The following APOLD1 variants were observed in gnomAD, a reference collection of about 807,000 sequenced individuals.
APOLD1 encodes the protein apolipoprotein L domain containing 1, also known as apolipoprotein L domain-containing protein 1.
A neutral mutation model predicts 15.3 loss-of-function variants in APOLD1; 22 were observed. That is an observed-to-expected ratio of 1.44 (90% confidence interval 1.03 to 2.05). The LOEUF (loss-of-function observed/expected upper bound fraction) is 2.05, where lower values mean the gene tolerates loss of function less well. Ranked by LOEUF, APOLD1 falls within the 30% of genes most tolerant of loss-of-function variation. APOLD1 has a pLI of 0.00. For synonymous variants in APOLD1, 190 were observed against 167.4 expected, an observed-to-expected ratio of 1.13 and a Z score of -1.04; for missense variants, 394 against 353.5, an observed-to-expected ratio of 1.11 and a Z score of -0.92.
At chr12:12,727,887 A>C (rs1592285867) in intron 1 of APOLD1, among the ~76,000 whole-genome samples, 1 of 151,764 alleles carries the variant, frequency 6.6e-6, no homozygotes, top group East Asian at 1.9e-4. Flanking sequence ...GGCATGAGCC[A>C]CCATACCTAG....
intron 1 of APOLD1, among the ~76,000 whole-genome samples, chr12:12,754,908 A>G (rs957294692): frequency 5.3e-5 from 8 of 150,592 alleles, no homozygotes; most frequent in African/African-American, 1.7e-4. Context: ...TTAGCCAAGC[A>G]TGGTGGCACA....
chr12:12,766,247 TG>T (rs1437141678), intron 1 of APOLD1, among the ~76,000 whole-genome samples: 9 of 152,136 alleles, frequency 5.9e-5, no homozygotes, highest in African/African-American at 2.2e-4. Context: ...TCCAAAATCT[TG>T]AAAGAATTTG....
At chr12:12,750,372 CAA>C (rs34629361) in intron 1 of APOLD1, among the ~76,000 whole-genome samples, 171 of 75,388 alleles carry the variant, frequency 2.3e-3, no homozygotes, top group African/African-American at 7.3e-3. Flanking sequence ...GACTCTGTCT[CAA>C]AAAAAAAAAA....
At chr12:12,746,632 A>G (rs1946768995) in intron 1 of APOLD1, among the ~76,000 whole-genome samples, 1 of 152,198 alleles carries the variant, frequency 6.6e-6, no homozygotes, top group South Asian at 2.1e-4. Context: ...ATGGGAAAAC[A>G]TGCTCTAATT....
rs771836224 is a variant in APOLD1 at position 12,789,827 on chromosome 12, C to T, written c.*2175C>T. On this transcript the variant is annotated 3_prime_UTR_variant, in exon 2 of 2. Coordinates refer to ENST00000356591, the MANE Select transcript of APOLD1 (RefSeq NM_030817.3). ...GTCCGCACCCTTCCCAGTGATGGGG[C>T]AGTATGTCTGAGGAAGTATAATTTC... is the stretch of plus-strand genomic sequence containing the variant. 4 of 152,146 alleles carry T rather than the reference C, an allele frequency of 2.6e-5. No individual in the cohort carries two copies. Among genetic ancestry groups the T allele is most frequent in the East Asian group, 1.9e-4 (1 of 5,204 alleles). The allele number at this position is 152,146 out of a possible 1,614,324, so 9.4% of individuals were successfully genotyped here.
At chr12:12,753,391 T>A (rs908225314) in intron 1 of APOLD1, among the ~76,000 whole-genome samples, 2 of 152,122 alleles carry the variant, frequency 1.3e-5, no homozygotes, top group Admixed American at 1.3e-4. Context: ...GGGGGTTGGG[T>A]GTGATGGCTC....
intron 1 of APOLD1, among the ~76,000 whole-genome samples, chr12:12,770,291 G>T (rs1946977021): frequency 6.6e-6 from 1 of 152,120 alleles, no homozygotes; most frequent in Admixed American, 6.5e-5. Flanking sequence ...TGTAACCCCA[G>T]CTACTCAGGA....
At chr12:12,776,758 T>C (rs1259440467) in intron 1 of APOLD1, among the ~76,000 whole-genome samples, 2 of 152,184 alleles carry the variant, frequency 1.3e-5, no homozygotes, top group Non-Finnish European at 2.9e-5. Flanking sequence ...GCAATGAAGG[T>C]TGAGTCTCCC....
intron 1 of APOLD1, among the ~76,000 whole-genome samples, chr12:12,766,338 A>G (rs1946942496): frequency 6.6e-6 from 1 of 152,130 alleles, no homozygotes; most frequent in Non-Finnish European, 1.5e-5. Context: ...TATAGTACCA[A>G]GATACTGGAA....
At chr12:12,778,477 G>A (rs568709721) in intron 1 of APOLD1, among the ~76,000 whole-genome samples, 4 of 146,488 alleles carry the variant, frequency 2.7e-5, no homozygotes, top group East Asian at 2.1e-4. Flanking sequence ...ACACCTCCTC[G>A]TGTGGCTAAT....
chr12:12,741,245 C>T (rs993342866), intron 1 of APOLD1, among the ~76,000 whole-genome samples: 5 of 152,170 alleles, frequency 3.3e-5, no homozygotes, highest in Admixed American at 6.5e-5. Flanking sequence ...CTTGCTCTGT[C>T]GCCCTGGCTG....
chr12:12,728,690 A>AAAAAAAAAAG (rs779176543), intron 1 of APOLD1, among the ~76,000 whole-genome samples: 21 of 139,404 alleles, frequency 1.5e-4, no homozygotes, highest in Admixed American at 4.4e-4. Context: ...AAAAAAAAAA[A>AAAAAAAAAAG]AGAGAGAGAA....
chr12:12,758,772 C>T (rs933054407), intron 1 of APOLD1, among the ~76,000 whole-genome samples: 2 of 152,112 alleles, frequency 1.3e-5, no homozygotes, highest in African/African-American at 4.8e-5. Context: ...ACAGTGTCAC[C>T]GATAGAGTCA....
At chr12:12,762,043 A>G (rs1027770820) in intron 1 of APOLD1, among the ~76,000 whole-genome samples, 2 of 151,960 alleles carry the variant, frequency 1.3e-5, no homozygotes, top group Non-Finnish European at 2.9e-5. Context: ...GGATCTTGCT[A>G]TGTTGCCCAG....
intron 1 of APOLD1, among the ~76,000 whole-genome samples, chr12:12,767,905 C>T (rs1372428545): frequency 6.6e-6 from 1 of 151,938 alleles, no homozygotes. Flanking sequence ...TCTGCCTCAG[C>T]CTCCCGAGTA....
At chr12:12,740,055 C>G (rs1000451813) in intron 1 of APOLD1, among the ~76,000 whole-genome samples, 2 of 150,296 alleles carry the variant, frequency 1.3e-5, no homozygotes, top group Non-Finnish European at 3.0e-5. Context: ...GATCTCAGGT[C>G]ACTGCAACCT....
At chr12:12,763,066 A>C (rs1946913708) in intron 1 of APOLD1, among the ~76,000 whole-genome samples, 1 of 152,088 alleles carries the variant, frequency 6.6e-6, no homozygotes, top group Non-Finnish European at 1.5e-5. Flanking sequence ...TGAGAAGCAG[A>C]GGCTGCAGTG....
chr12:12,760,475 T>G, intron 1 of APOLD1, among the ~76,000 whole-genome samples: 1 of 151,714 alleles, frequency 6.6e-6, no homozygotes, highest in Non-Finnish European at 1.5e-5. Context: ...CCGTCTTTAC[T>G]AAAAATACAA....
At chr12:12,777,474 T>C (rs1004088618) in intron 1 of APOLD1, among the ~76,000 whole-genome samples, 1 of 152,220 alleles carries the variant, frequency 6.6e-6, no homozygotes, top group African/African-American at 2.4e-5. Flanking sequence ...ATAATTCGCT[T>C]ATATTAGCCA....
Sources: allele counts gnomAD v4.1 joint callset (sites outside exome capture counted in the v4.1 genomes callset), GRCh38; gene constraint gnomAD v4.1.1; transcripts MANE v1.5; gene names NCBI Gene and HGNC (gene_info 2026-07-23, HGNC 2026-07-21).